SAMD4A: variants seen among roughly 807,000 people sequenced by gnomAD.
SAMD4A encodes the protein protein Smaug homolog 1.
In SAMD4A, 33 loss-of-function variants were observed where a neutral mutation model predicts 81.3. The observed-to-expected ratio is 0.41, with a 90% confidence interval of 0.31 to 0.54. SAMD4A has a LOEUF of 0.54. Among genes scored for constraint, SAMD4A ranks in the 20% least tolerant of loss-of-function variants. The probability of loss-of-function intolerance (pLI) is 0.37; values close to 1 mark genes in which losing one functional copy is unlikely to be tolerated. For missense variants in SAMD4A, 854 were observed against 951.1 expected (o/e 0.90, Z 1.34); for synonymous variants, 389 against 382.1 (o/e 1.02, Z -0.21).
At chr14:54,671,549 G>T (rs1207140996) in intron 2 of SAMD4A, among the ~76,000 whole-genome samples, 2 of 152,210 alleles carry the variant, frequency 1.3e-5, no homozygotes, top group Non-Finnish European at 2.9e-5. Flanking sequence ...CACAGCCAAG[G>T]CAGAGGCTGG....
chr14:54,578,037 G>A (rs747916927), intron 2 of SAMD4A, among the ~76,000 whole-genome samples: 8 of 152,154 alleles, frequency 5.3e-5, no homozygotes, highest in Admixed American at 1.3e-4. Flanking sequence ...TAATCCTTTC[G>A]AGTAAGACTG....
chr14:54,605,269 C>CA lies in SAMD4A; in HGVS notation c.196+37167dup, dbSNP rs112722076. On this transcript the variant is annotated intron_variant, in intron 2 of 12. Coordinates refer to ENST00000554335, the MANE Select transcript of SAMD4A (RefSeq NM_015589.6). The stretch of plus-strand genomic sequence containing the variant: ...AAATCTACTCAGGCCCTGGAGAAAG[C>CA]AAAAAAAAAACCCAGCAGAGCATAA... 2.8e-3 allele frequency among the ~76,000 whole-genome samples: 398 copies of CA among 143,924 alleles called. 1 individual carries two copies. The highest frequency in any genetic ancestry group is 0.016 in the South Asian group (74 of 4,540). 94.4% of individuals were successfully genotyped at this position (143,924 alleles called of 152,430 possible). A position where few individuals can be genotyped will look rare whatever the true frequency, so the allele number is the denominator to read the frequency against.
At chr14:54,706,651 G>A (rs575383392) in intron 3 of SAMD4A, among the ~76,000 whole-genome samples, 1 of 151,872 alleles carries the variant, frequency 6.6e-6, no homozygotes, top group Admixed American at 6.6e-5. Context: ...GAAAGAAAAA[G>A]CAAGCTTTTG....
chr14:54,630,139 G>C (rs561478266), intron 2 of SAMD4A, among the ~76,000 whole-genome samples: 1 of 152,282 alleles, frequency 6.6e-6, no homozygotes, highest in Non-Finnish European at 1.5e-5. Flanking sequence ...CTATGAACAG[G>C]GGTTTACAAA....
At position 54,681,872 on chromosome 14, in the gene SAMD4A, C is replaced by G. The variant is rs1275380748; in HGVS notation, c.197-20190C>G. Reference sequence around the variant, plus strand: ...CCAAAAGATAAGCGGTTTAAGTAAGCTGTGACAGACCACTGCTCTGGAGGA... The same window carrying G: ...CCAAAAGATAAGCGGTTTAAGTAAGGTGTGACAGACCACTGCTCTGGAGGA... On this transcript the variant is annotated intron_variant, in intron 2 of 12. Transcript: ENST00000554335. 3 of 985,280 alleles carry G rather than the reference C, an allele frequency of 3.0e-6. No homozygotes were observed. In the African/African-American group the frequency reaches 5.2e-5, roughly 17 times the overall value. The allele number at this position is 985,280 out of a possible 1,614,324, so 61.0% of individuals were successfully genotyped here. A position where few individuals can be genotyped will look rare whatever the true frequency, so the allele number is the denominator to read the frequency against.
At chr14:54,635,328 G>A (rs887468569) in intron 2 of SAMD4A, among the ~76,000 whole-genome samples, 5 of 148,418 alleles carry the variant, frequency 3.4e-5, no homozygotes, top group African/African-American at 1.3e-4. Context: ...AGGAGGCTGA[G>A]GCAGGAGAAT....
At chr14:54,699,999 C>T (rs1233149362) in intron 2 of SAMD4A, among the ~76,000 whole-genome samples, 1 of 152,228 alleles carries the variant, frequency 6.6e-6, no homozygotes, top group African/African-American at 2.4e-5. Flanking sequence ...TTGTTGTAAG[C>T]ACAGTAAACC....
intron 9 of SAMD4A, among the ~76,000 whole-genome samples, 193 bp from the exon 10 acceptor site, chr14:54,774,741 G>A (rs1002587612): frequency 3.3e-5 from 5 of 149,750 alleles, no homozygotes. Flanking sequence ...CTGAGCCCAG[G>A]AGGTCAAGGC....
chr14:54,612,854 C>T (rs2034394469), intron 2 of SAMD4A, among the ~76,000 whole-genome samples: 1 of 152,086 alleles, frequency 6.6e-6, no homozygotes, highest in Non-Finnish European at 1.5e-5. Context: ...CATGGTGGCT[C>T]ACGCCTGTAA....
At chr14:54,594,779 A>G (rs971642878) in intron 2 of SAMD4A, among the ~76,000 whole-genome samples, 2 of 152,262 alleles carry the variant, frequency 1.3e-5, no homozygotes, top group African/African-American at 4.8e-5. Flanking sequence ...ACATACTAAC[A>G]TATCAGCAAC....
chr14:54,680,318 C>T (rs1473029430), intron 2 of SAMD4A, among the ~76,000 whole-genome samples: 2 of 152,174 alleles, frequency 1.3e-5, no homozygotes, highest in Admixed American at 1.3e-4. Flanking sequence ...GTGAATTGGG[C>T]CTGAATTGCC....
chr14:54,715,114 G>A (rs1057162657), intron 3 of SAMD4A, among the ~76,000 whole-genome samples: 7 of 152,030 alleles, frequency 4.6e-5, no homozygotes, highest in Non-Finnish European at 7.4e-5. Context: ...TAACAGAATA[G>A]GATTTAATAG....
chr14:54,773,169 C>T (rs1347253158), intron 9 of SAMD4A, among the ~76,000 whole-genome samples: 7 of 152,300 alleles, frequency 4.6e-5, no homozygotes, highest in African/African-American at 1.7e-4. Flanking sequence ...TGCCACTTCT[C>T]CCCTTAGGAA....
chr14:54,787,336 A>T (rs1014777179), intron 12 of SAMD4A, among the ~76,000 whole-genome samples: 3 of 152,228 alleles, frequency 2.0e-5, no homozygotes, highest in Admixed American at 1.3e-4. Context: ...TACTTACAAC[A>T]GCATGTGAAC....
intron 2 of SAMD4A, among the ~76,000 whole-genome samples, chr14:54,585,217 C>T (rs907466019): frequency 9.2e-5 from 14 of 151,976 alleles, no homozygotes; most frequent in Admixed American, 6.6e-4. Context: ...TTTAAATGAC[C>T]GTGTAGCATT....
At chr14:54,726,761 C>CG (rs1341980765) in intron 3 of SAMD4A, among the ~76,000 whole-genome samples, 1 of 151,866 alleles carries the variant, frequency 6.6e-6, no homozygotes, top group Non-Finnish European at 1.5e-5. Context: ...ACCTGGGCAT[C>CG]GGGGTTTTTT....
rs1219494431 is a variant in SAMD4A, at chr14:54,737,181, G to C, written c.873G>C (p.Leu291=). 3 of 1,614,042 alleles carry C rather than the reference G, an allele frequency of 1.9e-6. No individual in the cohort carries two copies. In the Admixed American group the frequency reaches 5.0e-5, roughly 27 times the overall value. ...PQCLPSDHAP[L]SPQSSVASSG... ...GCCTCCCATCCGATCATGCCCCCCT[G>C]TCTCCACAAAGCAGTGTAGCCTCTT... The change falls in exon 4 of 13, where the codon CTG becomes CTC. Residue 291 remains leucine, a synonymous_variant. Coordinates refer to ENST00000554335, the MANE Select transcript of SAMD4A (RefSeq NM_015589.6).
intron 2 of SAMD4A, among the ~76,000 whole-genome samples, chr14:54,627,682 C>A (rs1204760624): frequency 6.6e-6 from 1 of 152,174 alleles, no homozygotes; most frequent in African/African-American, 2.4e-5. Flanking sequence ...TTACATCCTT[C>A]CTTGCCCTCC....
At chr14:54,599,538 C>T (rs1382909066) in intron 2 of SAMD4A, among the ~76,000 whole-genome samples, 1 of 152,106 alleles carries the variant, frequency 6.6e-6, no homozygotes, top group African/African-American at 2.4e-5. Flanking sequence ...ACCCTAATAT[C>T]TATGATGAAG....
Sources: gnomAD v4.1 joint callset for allele counts (sites outside exome capture counted in the v4.1 genomes callset) on GRCh38, gnomAD v4.1.1 for gene constraint, MANE v1.5 for transcripts, NCBI Gene and HGNC (gene_info 2026-07-23, HGNC 2026-07-21) for gene names.